ARHGEF10L: variants seen among roughly 807,000 people sequenced by gnomAD.
ARHGEF10L encodes the protein Rho guanine nucleotide exchange factor 10 like.
A neutral mutation model predicts 141.2 loss-of-function variants in ARHGEF10L; 69 were observed. The ratio of observed to expected loss-of-function variants is 0.49; its 90% CI spans 0.40 to 0.60. ARHGEF10L has a LOEUF of 0.60. ARHGEF10L is among the 20% of genes least tolerant of loss of function. The pLI, the probability that ARHGEF10L is intolerant of heterozygous loss-of-function variation, is 0.00. For missense variants in ARHGEF10L, 1,482 were observed against 1,734.3 expected, an observed-to-expected ratio of 0.85 and a Z score of 2.58; for synonymous variants, 711 against 718.5, an observed-to-expected ratio of 0.99 and a Z score of 0.17.
At position 17,696,894 on chromosome 1, in the gene ARHGEF10L, C is replaced by T. The variant is rs200075701; in HGVS notation, c.3354C>T (p.Phe1118=). ...ACGGGCACTGTGGGCCTGTGGCCTT[C>T]CTGGCTGTGGCTACCAGCATCCTGG... is the stretch of plus-strand genomic sequence containing the variant. ...SLNGHCGPVA[F]LAVATSILAP... Residue 1118 remains phenylalanine, a synonymous_variant, in exon 29 of 29, where the codon TTC becomes TTT. Coordinates refer to ENST00000361221, the MANE Select transcript of ARHGEF10L (RefSeq NM_018125.4). 25 of 1,602,196 alleles carry T rather than the reference C, an allele frequency of 1.6e-5. No individual in the cohort carries two copies. The highest frequency in any genetic ancestry group is 1.0e-4 in the Admixed American group (6 of 58,688).
At chr1:17,671,157 C>A (rs1039747737) in intron 26 of ARHGEF10L, among the ~76,000 whole-genome samples, 1 of 152,230 alleles carries the variant, frequency 6.6e-6, no homozygotes, top group African/African-American at 2.4e-5. Context: ...GTGAGTGTGC[C>A]GGCACCTTCC....
At chr1:17,696,277 G>C (rs1049841555) in intron 28 of ARHGEF10L, among the ~76,000 whole-genome samples, 6 of 151,662 alleles carry the variant, frequency 4.0e-5, no homozygotes, top group Non-Finnish European at 7.4e-5. Flanking sequence ...TCATCAAATA[G>C]GGCATTTTGT....
chr1:17,537,854 CAAAAAAA>C (rs10611023), upstream of ARHGEF10L, among the ~76,000 whole-genome samples: 288 of 79,826 alleles, frequency 3.6e-3, 2 homozygotes, highest in African/African-American at 0.013. Context: ...ACCATCTCTA[CAAAAAAA>C]AAAAAAAAAA....
intron 26 of ARHGEF10L, among the ~76,000 whole-genome samples, chr1:17,685,794 G>A (rs1049158435): frequency 6.6e-5 from 10 of 152,316 alleles, no homozygotes; most frequent in South Asian, 2.1e-4. Flanking sequence ...TCATAGCAGC[G>A]TGTACTTACA....
At chr1:17,643,736 G>T (rs2061443342) in intron 21 of ARHGEF10L, among the ~76,000 whole-genome samples, 1 of 152,162 alleles carries the variant, frequency 6.6e-6, no homozygotes, top group South Asian at 2.1e-4. Flanking sequence ...TGGGGAGATG[G>T]TGCATGGAAG....
At chr1:17,592,671 C>T (rs1048943250) in intron 4 of ARHGEF10L, among the ~76,000 whole-genome samples, 11 of 152,218 alleles carry the variant, frequency 7.2e-5, no homozygotes, top group African/African-American at 1.2e-4. Context: ...TCAGCAAGGC[C>T]GGAGTGGGTC....
At chr1:17,676,690 T>A (rs141255389) in intron 26 of ARHGEF10L, among the ~76,000 whole-genome samples, 2 of 152,134 alleles carry the variant, frequency 1.3e-5, no homozygotes, top group Non-Finnish European at 2.9e-5. Context: ...CCAGGTTGCC[T>A]GTGGCCCAAA....
intron 9 of ARHGEF10L, chr1:17,618,623 C>G (rs1489417968): frequency 1.2e-6 from 1 of 868,970 alleles, no homozygotes; most frequent in African/African-American, 1.8e-5. Context: ...TTCCTGCTGC[C>G]CACAGCCACC....
chr1:17,529,957 C>T, the ARHGEF10L span, among the ~76,000 whole-genome samples: 2 of 151,496 alleles, frequency 1.3e-5, no homozygotes, highest in Admixed American at 6.6e-5. Flanking sequence ...CTCAGGCTCC[C>T]GAGTAGCTGG....
chr1:17,535,103 G>A (rs2076556056), upstream of ARHGEF10L, among the ~76,000 whole-genome samples: 1 of 152,076 alleles, frequency 6.6e-6, no homozygotes, highest in South Asian at 2.1e-4. Flanking sequence ...TAGAATCAGT[G>A]GAAGCCCTGA....
At chr1:17,641,500 G>A (rs568462258) in intron 21 of ARHGEF10L, among the ~76,000 whole-genome samples, 74 of 152,078 alleles carry the variant, frequency 4.9e-4, no homozygotes, top group South Asian at 1.9e-3. Flanking sequence ...GCACACGCCT[G>A]TAGTCCCAGC....
At chr1:17,553,914 C>T (rs192665055) in intron 1 of ARHGEF10L, among the ~76,000 whole-genome samples, 97 of 152,226 alleles carry the variant, frequency 6.4e-4, no homozygotes, top group East Asian at 1.4e-3. Flanking sequence ...AACAGGGAGG[C>T]GAGTATGATT....
At chr1:17,646,324 G>A (rs938910978) in intron 21 of ARHGEF10L, among the ~76,000 whole-genome samples, 4 of 152,200 alleles carry the variant, frequency 2.6e-5, no homozygotes, top group Admixed American at 6.5e-5. Context: ...TCTCTGACCC[G>A]GCAGGATCTC....
chr1:17,681,862 G>T (rs1002866619), intron 26 of ARHGEF10L, among the ~76,000 whole-genome samples: 1 of 152,080 alleles, frequency 6.6e-6, no homozygotes, highest in Non-Finnish European at 1.5e-5. Context: ...GTGATCCTTG[G>T]TGATTGCTAA....
chr1:17,565,694 C>CA (rs540252093), intron 1 of ARHGEF10L, among the ~76,000 whole-genome samples: 127 of 152,254 alleles, frequency 8.3e-4, no homozygotes, highest in African/African-American at 2.9e-3. Flanking sequence ...CGCTAGGCTC[C>CA]GGGACACAGG....
intron 4 of ARHGEF10L, among the ~76,000 whole-genome samples, chr1:17,592,900 G>C (rs1392309203): frequency 6.6e-6 from 1 of 152,160 alleles, no homozygotes; most frequent in Non-Finnish European, 1.5e-5. Flanking sequence ...ATGGGGACCA[G>C]GTCTTTCTTT....
intron 27 of ARHGEF10L, among the ~76,000 whole-genome samples, chr1:17,692,809 C>A (rs1196041723): frequency 6.6e-6 from 1 of 152,242 alleles, no homozygotes; most frequent in South Asian, 2.1e-4. Context: ...CTCTTCTGAC[C>A]ATCTGGAGTC....
intron 4 of ARHGEF10L, among the ~76,000 whole-genome samples, chr1:17,600,098 A>G (rs2080495126): frequency 6.6e-6 from 1 of 152,042 alleles, no homozygotes; most frequent in East Asian, 1.9e-4. Flanking sequence ...TGGCCCTGCC[A>G]CTCCCTGGCA....
intron 15 of ARHGEF10L, among the ~76,000 whole-genome samples, chr1:17,632,072 C>T (rs1298175464): frequency 1.3e-5 from 2 of 152,206 alleles, no homozygotes; most frequent in Admixed American, 1.3e-4. Flanking sequence ...GCACTGGCTG[C>T]TGGGCCCACA....
Sources: gnomAD v4.1 joint callset for allele counts (sites outside exome capture counted in the v4.1 genomes callset) on GRCh38, gnomAD v4.1.1 for gene constraint, MANE v1.5 for transcripts, NCBI Gene and HGNC (gene_info 2026-07-23, HGNC 2026-07-21) for gene names.